Variants in SPRY2 observed in about 807,000 individuals in gnomAD.
The protein encoded by SPRY2 is protein sprouty homolog 2.
SPRY2 carries 10 observed loss-of-function variants against 23.4 expected under a neutral mutation model. The observed-to-expected ratio is 0.43, with a 90% CI of 0.26 to 0.73. The LOEUF (loss-of-function observed/expected upper bound fraction) is 0.73. Ranked by LOEUF, SPRY2 falls within the 30% of genes least tolerant of loss-of-function variation. The pLI, the probability that SPRY2 is intolerant of heterozygous loss-of-function variation, is 0.22. For synonymous variants in SPRY2, 170 were observed against 156.9 expected, an observed-to-expected ratio of 1.08 and a Z score of -0.62; for missense variants, 344 against 396.9, an observed-to-expected ratio of 0.87 and a Z score of 1.13.
In SPRY2 at chr13:80,336,339, CTG is replaced by C. The variant is rs1880249812; in HGVS notation, c.*417_*418del. The C allele has an allele frequency of 3.8e-6, 1 of 264,170 alleles. No individual in the cohort carries two copies. The highest frequency in any genetic ancestry group is 2.3e-5 in the African/African-American group (1 of 44,132). 16.4% of individuals were successfully genotyped at this position (264,170 alleles called of 1,614,324 possible). ...AACATATTAGTATAATATTTTGTGT[CTG>C]TGCCATGTAGTATGGCACAACTTGT... On this transcript the variant is annotated 3_prime_UTR_variant, in exon 2 of 2. Coordinates refer to ENST00000377104, the MANE Select transcript of SPRY2 (RefSeq NM_005842.4).
At chr13:80,338,604 T>C (rs1383589894) in intron 1 of SPRY2, 1 of 152,226 alleles carries the variant, frequency 6.6e-6, no homozygotes, top group East Asian at 1.9e-4. Context: ...AAAATTCAAA[T>C]GTCACATTTC....
At chr13:80,338,069 G>C (rs1263889834) in intron 1 of SPRY2, among the ~76,000 whole-genome samples, 3 of 152,174 alleles carry the variant, frequency 2.0e-5, no homozygotes, top group African/African-American at 7.2e-5. Context: ...AAATCGCAAG[G>C]AAGTATTGCT....
intron 1 of SPRY2, among the ~76,000 whole-genome samples, chr13:80,340,366 C>G (rs368916727): frequency 1.3e-4 from 20 of 152,262 alleles, no homozygotes; most frequent in African/African-American, 4.6e-4. Context: ...CCCTAGAGCG[C>G]GGGCGCGCGG....
In SPRY2 at chr13:80,336,676, A is replaced by G; in HGVS notation, c.*82T>C. On this transcript the variant is annotated 3_prime_UTR_variant, in exon 2 of 2. Coordinates refer to ENST00000377104, the MANE Select transcript of SPRY2 (RefSeq NM_005842.4). ...CCTTTCTATTAACAGTGCCAAGATT[A>G]TAACTGTTTAGTTGGTTGCATATGT... 1 of 1,341,980 alleles carries G rather than the reference A, an allele frequency of 7.5e-7. No individual in the cohort carries two copies. Among genetic ancestry groups the G allele is most frequent in the Non-Finnish European group, 1.0e-6 (1 of 957,972 alleles). The allele number at this position is 1,341,980 out of a possible 1,614,324, so 83.1% of individuals were successfully genotyped here.
chr13:80,337,290 G>A lies in SPRY2; in HGVS notation c.416C>T (p.Ser139Phe). ...SSSEQRLLGS[S>F]FSSGPVADGI... ...ATCAGCAACAGGCCCGGAGGAGAAG[G>A]ATGATCCTAGCAGTCTCTGTTCAGA... is the stretch of plus-strand genomic sequence containing the variant. The change falls in exon 2 of 2, where the codon TCC (serine) becomes TTC (phenylalanine). Residue 139 changes from serine (S) to phenylalanine (F), a missense_variant. Ser to Phe is a radical substitution (Grantham distance 155). Coordinates refer to ENST00000377104, the MANE Select transcript of SPRY2 (RefSeq NM_005842.4). The A allele has an allele frequency of 6.2e-7, 1 of 1,614,072 alleles. No homozygotes were observed. Among genetic ancestry groups the A allele is most frequent in the Non-Finnish European group, 8.5e-7 (1 of 1,179,958 alleles).
rs556246811 is a variant in SPRY2, at chr13:80,340,818, G to A, written c.-248C>T. ...GCTGATGAACACTCCGGGGTTCGGAGCTGGAGACGACTCCCCTTCTACAAG... is the reference window on the plus strand; with the variant it reads ...GCTGATGAACACTCCGGGGTTCGGAACTGGAGACGACTCCCCTTCTACAAG... On this transcript the variant is annotated 5_prime_UTR_variant, in exon 1 of 2. Coordinates refer to ENST00000377104, the MANE Select transcript of SPRY2 (RefSeq NM_005842.4). The A allele has an allele frequency of 6.6e-6, 1 of 152,370 alleles. No individual in the cohort carries two copies. Among genetic ancestry groups the A allele is most frequent in the Admixed American group, 6.5e-5 (1 of 15,304 alleles). The allele number at this position is 152,370 out of a possible 1,614,324, so 9.4% of individuals were successfully genotyped here.
chr13:80,336,603 G>C lies in SPRY2; in HGVS notation c.*155C>G, dbSNP rs878873479. Reference sequence around the variant, plus strand: ...TTCTAACAAGCATATCAGTTAAAACGGCACATGGACAAAAAGCATTTCACC... The same window carrying C: ...TTCTAACAAGCATATCAGTTAAAACCGCACATGGACAAAAAGCATTTCACC... On this transcript the variant is annotated 3_prime_UTR_variant, in exon 2 of 2. Coordinates refer to ENST00000377104, the MANE Select transcript of SPRY2 (RefSeq NM_005842.4). 1 of 812,700 alleles carries C rather than the reference G, an allele frequency of 1.2e-6. No individual in the cohort carries two copies. Among genetic ancestry groups the C allele is most frequent in the Non-Finnish European group, 2.0e-6 (1 of 499,992 alleles). 50.3% of individuals were successfully genotyped at this position (812,700 alleles called of 1,614,324 possible). A position where few individuals can be genotyped will look rare whatever the true frequency, so the allele number is the denominator to read the frequency against.
At chr13:80,340,113 G>T in intron 1 of SPRY2, among the ~76,000 whole-genome samples, 1 of 152,160 alleles carries the variant, frequency 6.6e-6, no homozygotes, top group Non-Finnish European at 1.5e-5. Flanking sequence ...CACCCTGGAA[G>T]TCTCCTGCCC....
At chr13:80,340,098 T>C (rs1217859666) in intron 1 of SPRY2, among the ~76,000 whole-genome samples, 1 of 152,050 alleles carries the variant, frequency 6.6e-6, no homozygotes, top group Non-Finnish European at 1.5e-5. Flanking sequence ...ACCCTGCCTT[T>C]TTCTCACCCT....
At chr13:80,339,882 G>A (rs1391325682) in intron 1 of SPRY2, among the ~76,000 whole-genome samples, 1 of 152,218 alleles carries the variant, frequency 6.6e-6, no homozygotes, top group Admixed American at 6.5e-5. Context: ...AAATGATCGC[G>A]ACCGCTTGAT....
In SPRY2 at chr13:80,337,572, T is replaced by C. The variant is rs748556088; in HGVS notation, c.134A>G (p.Gln45Arg). ...TQQVHVLSLD[Q>R]IRAIRNTNEY... ...ATTGGTGTTTCGGATGGCTCTGATCTGATCCAGAGACAAGACATGTACCTG... is the reference window on the plus strand; with the variant it reads ...ATTGGTGTTTCGGATGGCTCTGATCCGATCCAGAGACAAGACATGTACCTG... The change falls in exon 2 of 2, where the codon CAG becomes CGG. Residue 45 changes from glutamine (Q) to arginine (R), a missense_variant. Coordinates refer to ENST00000377104, the MANE Select transcript of SPRY2 (RefSeq NM_005842.4). The C allele has an allele frequency of 6.2e-7, 1 of 1,614,138 alleles. No individual in the cohort carries two copies. Among genetic ancestry groups the C allele is most frequent in the East Asian group, 2.2e-5 (1 of 44,866 alleles).
At position 80,337,680 on chromosome 13, in the gene SPRY2, T is replaced by C. The variant is rs567043511; in HGVS notation, c.26A>G (p.Asn9Ser). ...CGTCTGCAGCAAGGGCTGCGACCCG[T>C]TGCCACTCTGAGCTCTGGCCTCCAT... MEARAQSG[N>S]GSQPLLQTPR... The change falls in exon 2 of 2, where the codon AAC becomes AGC. Residue 9 changes from asparagine to serine, a missense_variant. Asn to Ser is a conservative substitution (Grantham distance 46). Transcript: ENST00000377104. The C allele has an allele frequency of 1.2e-6, 2 of 1,612,342 alleles. No individual in the cohort carries two copies. The highest frequency in any genetic ancestry group is 2.2e-5 in the East Asian group (1 of 44,876).
Position 80,338,609 on chromosome 13 carries a change from C to T in SPRY2, c.-51-853G>A, listed in dbSNP as rs948607384. On this transcript the variant is annotated intron_variant, in intron 1 of 1. Coordinates refer to ENST00000377104, the MANE Select transcript of SPRY2 (RefSeq NM_005842.4). Reference sequence around the variant, plus strand: ...AAGCGTTTTAAAAATTCAAATGTCACATTTCGTATCTAGCATTCTGTCAAG... The same window carrying T: ...AAGCGTTTTAAAAATTCAAATGTCATATTTCGTATCTAGCATTCTGTCAAG... The T allele has an allele frequency of 4.6e-5, 7 of 152,340 alleles. 1 individual carries two copies. In the South Asian group the frequency reaches 1.4e-3, roughly 32 times the overall value. 9.4% of individuals were successfully genotyped at this position (152,340 alleles called of 1,614,324 possible). A position where few individuals can be genotyped will look rare whatever the true frequency, so the allele number is the denominator to read the frequency against.
rs1566315604 is a variant in SPRY2 at position 80,337,368 on chromosome 13, G to A, written c.338C>T (p.Thr113Met). 1.9e-6 allele frequency: 3 copies of A among 1,614,040 alleles called. No individual in the cohort carries two copies. The highest frequency in any genetic ancestry group is 2.2e-5 in the East Asian group (1 of 44,884). Residue 113 changes from threonine (T) to methionine (M), a missense_variant, in exon 2 of 2, where the codon ACG becomes ATG. Coordinates refer to ENST00000377104, the MANE Select transcript of SPRY2 (RefSeq NM_005842.4). ...ARAPLSRSIS[T>M]VSSGSRSSTR... ...ACTGCTCCGCGACCCTGAGCTGACC[G>A]TGCTTATGGATCTGGACAGAGGGGC...
Position 80,337,133 on chromosome 13 carries a change from G to A in SPRY2, c.573C>T (p.Tyr191=), listed in dbSNP as rs375382039. 1 of 1,614,114 alleles carries A rather than the reference G, an allele frequency of 6.2e-7. No individual in the cohort carries two copies. The highest frequency in any genetic ancestry group is 1.3e-5 in the African/African-American group (1 of 74,932). Residue 191 remains tyrosine (Y), a synonymous_variant, in exon 2 of 2, where the codon TAC becomes TAT. Coordinates refer to ENST00000377104, the MANE Select transcript of SPRY2 (RefSeq NM_005842.4). ...CGKCKCKECT[Y]PRPLPSDWIC... ...TCCAGTCTGATGGCAGAGGCCTTGG[G>A]TAGGTGCACTCCTTACATTTGCACT...
chr13:80,340,652 C>G lies in SPRY2; in HGVS notation c.-82G>C, dbSNP rs533577631. 1 of 152,300 alleles carries G rather than the reference C, an allele frequency of 6.6e-6. No homozygotes were observed. The highest frequency in any genetic ancestry group is 6.5e-5 in the Admixed American group (1 of 15,292). The allele number at this position is 152,300 out of a possible 1,614,324, so 9.4% of individuals were successfully genotyped here. On this transcript the variant is annotated 5_prime_UTR_variant, in exon 1 of 2. Coordinates refer to ENST00000377104, the MANE Select transcript of SPRY2 (RefSeq NM_005842.4). ...TCGCGGCTTTGCACCAACCCCTCTC[C>G]CTTGGATTCTCTTCTTTCTGCGATG...
intron 1 of SPRY2, 36 bp from the exon 2 acceptor site, chr13:80,337,792 T>C (rs1351209117): frequency 3.3e-6 from 4 of 1,216,258 alleles, no homozygotes; most frequent in Middle Eastern, 2.6e-4. Context: ...GTTGATACTC[T>C]AAGATACTTC....
chr13:80,336,916 G>A lies in SPRY2; in HGVS notation c.790C>T (p.Pro264Ser). Reference sequence around the variant, plus strand: ...GCTGGAAGGTAACACCATAAACAAGGCAAAAAGAGGGACATGACACCCATG... The same window carrying A: ...GCTGGAAGGTAACACCATAAACAAGACAAAAAGAGGGACATGACACCCATG... ...SAMGVMSLFL[P>S]CLWCYLPAKG... Residue 264 changes from proline to serine, a missense_variant, in exon 2 of 2, where the codon CCT (proline) becomes TCT (serine). Transcript: ENST00000377104. 1 of 1,614,100 alleles carries A rather than the reference G, an allele frequency of 6.2e-7. No individual in the cohort carries two copies. The highest frequency in any genetic ancestry group is 8.5e-7 in the Non-Finnish European group (1 of 1,180,030).
In SPRY2 at chr13:80,336,201, T is replaced by C. The variant is rs1880245947; in HGVS notation, c.*557A>G. 1 of 156,032 alleles carries C rather than the reference T, an allele frequency of 6.4e-6. No individual in the cohort carries two copies. Among genetic ancestry groups the C allele is most frequent in the Admixed American group, 6.2e-5 (1 of 16,136 alleles). The allele number at this position is 156,032 out of a possible 1,614,324, so 9.7% of individuals were successfully genotyped here. A position where few individuals can be genotyped will look rare whatever the true frequency, so the allele number is the denominator to read the frequency against. ...AATAAAGGTTGAATTTTACTGTAAC[T>C]GTACAATATACATGAAGTCCAAAGG... On this transcript the variant is annotated 3_prime_UTR_variant, in exon 2 of 2. Transcript: ENST00000377104.
Sources: allele counts gnomAD v4.1 joint callset (sites outside exome capture counted in the v4.1 genomes callset), GRCh38; gene constraint gnomAD v4.1.1; transcripts MANE v1.5; gene names NCBI Gene and HGNC (gene_info 2026-07-23, HGNC 2026-07-21).